The following FANK1 variants were observed in gnomAD, a reference collection of about 807,000 sequenced individuals.
FANK1 encodes the protein fibronectin type III and ankyrin repeat domains 1.
A neutral mutation model predicts 45.3 loss-of-function variants in FANK1; 44 were observed. The observed-to-expected ratio is 0.97, with a 90% CI of 0.76 to 1.25. FANK1 has a LOEUF of 1.25. Ranked by LOEUF, FANK1 falls within the 50% of genes most tolerant of loss-of-function variation. The pLI, the probability that FANK1 is intolerant of heterozygous loss-of-function variation, is 0.00. For synonymous variants in FANK1, 149 were observed against 152.5 expected, an observed-to-expected ratio of 0.98 and a Z score of 0.17; for missense variants, 391 against 424.4, an observed-to-expected ratio of 0.92 and a Z score of 0.69.
intron 3 of FANK1, chr10:125,989,527 A>T: frequency 1.3e-6 from 1 of 757,722 alleles, no homozygotes; most frequent in Non-Finnish European, 2.4e-6. Flanking sequence ...AAGTTAACTC[A>T]GCTTTTGAGT....
intron 7 of FANK1, 39 bp from the exon 8 acceptor site, chr10:126,008,364 AAAAG>A: frequency 1.3e-6 from 2 of 1,533,332 alleles, no homozygotes; most frequent in Non-Finnish European, 1.8e-6. Context: ...CATTTTAAGA[AAAAG>A]AAATTGGGCT....
intron 1 of FANK1, among the ~76,000 whole-genome samples, chr10:125,969,789 G>C (rs994925113): frequency 5.9e-5 from 9 of 152,100 alleles, no homozygotes. Flanking sequence ...CCCAGTGTTT[G>C]TGTCCCTGGG....
intron 1 of FANK1, among the ~76,000 whole-genome samples, chr10:125,931,386 T>C (rs1374305018): frequency 2.6e-5 from 4 of 152,222 alleles, no homozygotes; most frequent in African/African-American, 4.8e-5. Flanking sequence ...CTACTGTTTT[T>C]TGATTTTTTG....
rs796808583 is a variant in FANK1 at position 125,980,169 on chromosome 10, C to T, written c.22C>T (p.Pro8Ser). The T allele has an allele frequency of 1.2e-6, 2 of 1,605,860 alleles. No homozygotes were observed. Among genetic ancestry groups the T allele is most frequent in the South Asian group, 1.1e-5 (1 of 89,050 alleles). MEPQKIM[P>S]PSKPHPPVVG... Reference sequence around the variant, plus strand: ...GTCATTCTTTTTTTTAGAAATCATGCCACCCTCAAAGCCTCATCCACCTGT... The same window carrying T: ...GTCATTCTTTTTTTTAGAAATCATGTCACCCTCAAAGCCTCATCCACCTGT... The change falls in exon 2 of 11, where the codon CCA (proline) becomes TCA (serine). Residue 8 changes from proline to serine, a missense_variant. Pro to Ser is a moderately conservative substitution (Grantham distance 74). Transcript: ENST00000368693.
At chr10:125,991,975 G>A (rs1462000489) in intron 3 of FANK1, among the ~76,000 whole-genome samples, 1 of 152,156 alleles carries the variant, frequency 6.6e-6, no homozygotes, top group Non-Finnish European at 1.5e-5. Flanking sequence ...GAGTCCATCT[G>A]GCTCACGTGA....
At chr10:125,946,484 G>C (rs1359820521) in intron 1 of FANK1, among the ~76,000 whole-genome samples, 1 of 152,132 alleles carries the variant, frequency 6.6e-6, no homozygotes, top group African/African-American at 2.4e-5. Context: ...GAGCTGATGT[G>C]ATCAACTGGA....
chr10:125,984,530 G>A (rs1217728252), intron 2 of FANK1, among the ~76,000 whole-genome samples: 2 of 152,128 alleles, frequency 1.3e-5, no homozygotes, highest in East Asian at 3.9e-4. Flanking sequence ...ACTGTGGGTG[G>A]AGTAGATGCT....
At chr10:125,945,661 G>A (rs965150897) in intron 1 of FANK1, among the ~76,000 whole-genome samples, 1 of 152,224 alleles carries the variant, frequency 6.6e-6, no homozygotes, top group Non-Finnish European at 1.5e-5. Flanking sequence ...CAAGGCGGCA[G>A]CGAGGCTGGG....
At position 126,009,429 on chromosome 10, in the gene FANK1, T is replaced by G. The variant is rs745532808; in HGVS notation, c.1029T>G (p.Cys343Trp). ...RKKKQRPKKS[C>W]VC The stretch of plus-strand genomic sequence containing the variant: ...AAAAGCAGAGGCCAAAGAAGTCTTG[T>G]GTCTGCTGATGAGAGCACCACTCAT... The change falls in exon 11 of 11, where the codon TGT becomes TGG. Residue 343 changes from cysteine (C) to tryptophan (W), a missense_variant. Transcript: ENST00000368693. 1 of 1,614,044 alleles carries G rather than the reference T, an allele frequency of 6.2e-7. No homozygotes were observed. Among genetic ancestry groups the G allele is most frequent in the Non-Finnish European group, 8.5e-7 (1 of 1,180,038 alleles).
At chr10:125,946,506 C>T (rs935358981) in intron 1 of FANK1, among the ~76,000 whole-genome samples, 1 of 151,880 alleles carries the variant, frequency 6.6e-6, no homozygotes, top group Non-Finnish European at 1.5e-5. Context: ...GAAAGGGTAT[C>T]AGCAATGGAA....
intron 1 of FANK1, among the ~76,000 whole-genome samples, chr10:125,928,457 CTG>C (rs1384199819): frequency 1.6e-5 from 2 of 127,460 alleles, no homozygotes; most frequent in Non-Finnish European, 3.7e-5. Context: ...TCATTATGAC[CTG>C]TACCTTGTGC....
chr10:125,962,793 T>A (rs977781617), intron 1 of FANK1, among the ~76,000 whole-genome samples: 1 of 152,086 alleles, frequency 6.6e-6, no homozygotes, highest in African/African-American at 2.4e-5. Flanking sequence ...TACTGTTATT[T>A]CGTTTCCTTG....
At chr10:125,941,157 C>T (rs533305207) in intron 1 of FANK1, among the ~76,000 whole-genome samples, 44 of 152,138 alleles carry the variant, frequency 2.9e-4, no homozygotes, top group Non-Finnish European at 5.7e-4. Context: ...AATAATAAGA[C>T]ACAATCCTGC....
intron 1 of FANK1, among the ~76,000 whole-genome samples, chr10:125,960,694 T>G (rs923483921): frequency 6.6e-5 from 10 of 151,966 alleles, no homozygotes; most frequent in Non-Finnish European, 1.5e-4. Flanking sequence ...GCCCAGCTAA[T>G]TTTTTTTGTA....
chr10:125,989,009 G>A (rs1299821995), intron 3 of FANK1, among the ~76,000 whole-genome samples: 1 of 152,190 alleles, frequency 6.6e-6, no homozygotes, highest in Non-Finnish European at 1.5e-5. Context: ...AGCCAAGCAG[G>A]CTGCCTGCCT....
chr10:125,992,835 G>A (rs866895671), intron 3 of FANK1, among the ~76,000 whole-genome samples: 60 of 151,962 alleles, frequency 3.9e-4, no homozygotes, highest in African/African-American at 1.3e-3. Flanking sequence ...CAGTTAGCAC[G>A]TTTTGGAAGA....
intron 3 of FANK1, among the ~76,000 whole-genome samples, chr10:125,990,572 T>C (rs1174218558): frequency 2.0e-5 from 3 of 152,130 alleles, no homozygotes; most frequent in Non-Finnish European, 4.4e-5. Context: ...AGGGTGAATA[T>C]GGTTGGTTCT....
At chr10:125,987,277 G>A (rs989391021) in intron 2 of FANK1, among the ~76,000 whole-genome samples, 13 of 152,224 alleles carry the variant, frequency 8.5e-5, no homozygotes, top group African/African-American at 3.1e-4. Context: ...TGAGTTGTAT[G>A]GAATGGAATT....
intron 1 of FANK1, among the ~76,000 whole-genome samples, chr10:125,912,992 T>G (rs112360733): frequency 2.0e-5 from 3 of 152,194 alleles, no homozygotes; most frequent in African/African-American, 7.2e-5. Flanking sequence ...TTCTTTAAAC[T>G]TCAAAGAAAC....
Sources: gnomAD v4.1 joint callset for allele counts (sites outside exome capture counted in the v4.1 genomes callset) on GRCh38, gnomAD v4.1.1 for gene constraint, MANE v1.5 for transcripts, NCBI Gene and HGNC (gene_info 2026-07-23, HGNC 2026-07-21) for gene names.